Variants in TNFRSF10B observed in about 807,000 individuals in gnomAD.
The protein encoded by TNFRSF10B is tumor necrosis factor receptor superfamily member 10B.
In TNFRSF10B, 35 loss-of-function variants were observed where a neutral mutation model predicts 41.4. The observed-to-expected ratio is 0.85, with a 90% CI of 0.65 to 1.12. TNFRSF10B has a LOEUF of 1.12. Among genes scored for constraint, TNFRSF10B ranks in the 50% most tolerant of loss-of-function variants. The pLI is 0.00. For synonymous variants in TNFRSF10B, 230 were observed against 215.5 expected, an observed-to-expected ratio of 1.07 and a Z score of -0.59; for missense variants, 584 against 552.7, an observed-to-expected ratio of 1.06 and a Z score of -0.57.
intron 1 of TNFRSF10B, among the ~76,000 whole-genome samples, chr8:23,048,861 C>CA (rs1812439664): frequency 6.6e-6 from 1 of 152,114 alleles, no homozygotes; most frequent in Non-Finnish European, 1.5e-5. Flanking sequence ...CTCAGCCTCT[C>CA]AAAGTGCTGA....
At chr8:23,040,367 ATAAATATATATACAAAATATATATTTAT>A (rs1563314070) in intron 2 of TNFRSF10B, among the ~76,000 whole-genome samples, 114 of 23,514 alleles carry the variant, frequency 4.8e-3, no homozygotes, top group African/African-American at 0.013. Context: ...TATATATTTA[ATAAATATATATACAAAATATATATTTAT>A]TAAATATATA....
At chr8:23,060,894 A>G (rs1294084707) in intron 1 of TNFRSF10B, among the ~76,000 whole-genome samples, 1 of 152,048 alleles carries the variant, frequency 6.6e-6, no homozygotes, top group African/African-American at 2.4e-5. Flanking sequence ...ACTATTGTAA[A>G]TGGATTTTTT....
intron 1 of TNFRSF10B, among the ~76,000 whole-genome samples, chr8:23,062,371 C>T (rs1448189304): frequency 6.6e-6 from 1 of 152,072 alleles, no homozygotes; most frequent in African/African-American, 2.4e-5. Flanking sequence ...CAGGTGTGCT[C>T]CCCCGGGCCA....
intron 2 of TNFRSF10B, among the ~76,000 whole-genome samples, chr8:23,036,783 T>C (rs572492978): frequency 6.8e-4 from 103 of 152,230 alleles, no homozygotes; most frequent in African/African-American, 2.3e-3. Flanking sequence ...GCAGAGGTTG[T>C]AGTGAGCCGA....
At chr8:23,068,503 C>T in intron 1 of TNFRSF10B, 1 of 579,930 alleles carries the variant, frequency 1.7e-6, no homozygotes, top group South Asian at 2.2e-5. Context: ...CCTTGTCGCC[C>T]TCCCCCACTG....
chr8:23,024,058 C>G (rs1480851169), intron 8 of TNFRSF10B, 130 bp downstream of exon 8: 1 of 1,147,386 alleles, frequency 8.7e-7, no homozygotes, highest in Non-Finnish European at 1.3e-6. Flanking sequence ...TCCAGATGGT[C>G]TATAGCACAG....
At chr8:23,027,641 G>T (rs1105945) in intron 6 of TNFRSF10B, 81 bp downstream of exon 6, 4 of 1,598,350 alleles carry the variant, frequency 2.5e-6, no homozygotes, top group East Asian at 2.2e-5. Flanking sequence ...GGACAATGGG[G>T]ACCCACCCAC....
At chr8:23,061,710 C>T (rs892113076) in intron 1 of TNFRSF10B, among the ~76,000 whole-genome samples, 1 of 152,072 alleles carries the variant, frequency 6.6e-6, no homozygotes, top group African/African-American at 2.4e-5. Flanking sequence ...AAGTTTTCTT[C>T]TATTCTTAGT....
At chr8:23,059,594 C>T (rs1175521332) in intron 1 of TNFRSF10B, among the ~76,000 whole-genome samples, 1 of 152,216 alleles carries the variant, frequency 6.6e-6, no homozygotes, top group African/African-American at 2.4e-5. Context: ...GCAAGCTCCG[C>T]CTCCTGGGTT....
intron 1 of TNFRSF10B, among the ~76,000 whole-genome samples, chr8:23,050,273 T>C (rs1217508935): frequency 6.7e-6 from 1 of 149,016 alleles, no homozygotes; most frequent in Non-Finnish European, 1.5e-5. Flanking sequence ...CCCTTGGGTT[T>C]TTCTGAAATG....
intron 2 of TNFRSF10B, among the ~76,000 whole-genome samples, chr8:23,036,428 T>A (rs1185032438): frequency 6.6e-6 from 1 of 152,180 alleles, no homozygotes; most frequent in African/African-American, 2.4e-5. Context: ...AGGAATTCCC[T>A]ATGGTCAGTT....
rs1293598785 is a variant in TNFRSF10B at position 23,028,018 on chromosome 8, T to A, written c.749-265A>T. 5.0e-6 allele frequency: 3 copies of A among 600,722 alleles called. No individual in the cohort carries two copies. The African/African-American group carries it at 5.6e-5, about 11-fold the overall frequency. The allele number at this position is 600,722 out of a possible 1,614,324, so 37.2% of individuals were successfully genotyped here. On this transcript the variant is annotated intron_variant, in intron 5 of 8. Coordinates refer to ENST00000276431, the MANE Select transcript of TNFRSF10B (RefSeq NM_003842.5). ...AAAATCCCACGACCACTTCTCATCC[T>A]CACCCTTGTCACCCAGTTGAGGAGC...
intron 2 of TNFRSF10B, among the ~76,000 whole-genome samples, chr8:23,037,239 G>A (rs1054093821): frequency 6.6e-6 from 1 of 152,178 alleles, no homozygotes; most frequent in African/African-American, 2.4e-5. Context: ...CATGGTGGCA[G>A]GGATGGAGGT....
chr8:23,068,404 A>T, intron 1 of TNFRSF10B: 1 of 374,702 alleles, frequency 2.7e-6, no homozygotes. Flanking sequence ...AAAGAGAAAA[A>T]GAGAAAGAAA....
rs954530736 is a variant in TNFRSF10B, at chr8:23,021,552, T to C, written c.*1119A>G. On this transcript the variant is annotated 3_prime_UTR_variant, in exon 9 of 9. Transcript: ENST00000276431. ...GGATATGACATAGACCCTATTGTTA[T>C]GTGTGATCTAACCCATCTGCCTCTG... 7 of 454,046 alleles carry C rather than the reference T, an allele frequency of 1.5e-5. No homozygotes were observed. Among genetic ancestry groups the C allele is most frequent in the Non-Finnish European group, 2.6e-5 (6 of 226,808 alleles). The allele number at this position is 454,046 out of a possible 1,614,324, so 28.1% of individuals were successfully genotyped here.
In TNFRSF10B at chr8:23,028,418, C is replaced by T; in HGVS notation, c.661G>A (p.Ala221Thr). 2.5e-6 allele frequency: 4 copies of T among 1,614,194 alleles called. No homozygotes were observed. Among genetic ancestry groups the T allele is most frequent in the Non-Finnish European group, 3.4e-6 (4 of 1,180,032 alleles). ...LSGIIIGVTVAAVVLIVAVFV... is the reference protein window; with the variant it reads ...LSGIIIGVTVTAVVLIVAVFV... ...ACAGCCACAATCAAGACTACGGCTG[C>T]AACTGTGACTCCTATGATGATGCCT... Residue 221 changes from alanine to threonine, a missense_variant, in exon 5 of 9, where the codon GCA (alanine) becomes ACA (threonine). Ala to Thr is a moderately conservative substitution (Grantham distance 58). Coordinates refer to ENST00000276431, the MANE Select transcript of TNFRSF10B (RefSeq NM_003842.5).
intron 1 of TNFRSF10B, among the ~76,000 whole-genome samples, chr8:23,059,755 G>A (rs552014154): frequency 7.1e-4 from 108 of 152,128 alleles, no homozygotes; most frequent in African/African-American, 2.3e-3. Context: ...CTCGTGATCC[G>A]CCTGCCTTGG....
intron 1 of TNFRSF10B, among the ~76,000 whole-genome samples, chr8:23,051,016 G>A (rs190346192): frequency 3.9e-5 from 6 of 152,366 alleles, no homozygotes; most frequent in Admixed American, 2.0e-4. Context: ...AGAGGTTGTA[G>A]TGAGCAGAGA....
In TNFRSF10B at chr8:23,028,361, C is replaced by G; in HGVS notation, c.718G>C (p.Val240Leu). The change falls in exon 5 of 9, where the codon GTC (valine) becomes CTC (leucine). Residue 240 changes from valine (V) to leucine (L), a missense_variant. Physicochemically the swap from Val to Leu is conservative, Grantham distance 32. Coordinates refer to ENST00000276431, the MANE Select transcript of TNFRSF10B (RefSeq NM_003842.5). Reference protein sequence around the residue: ...FVCKSLLWKKVLPYLKGICSG... With the variant: ...FVCKSLLWKKLLPYLKGICSG... ...CAGATGCCTTTCAGGTAAGGAAGGACTTTCTTCCACAGTAAAGACTTGCAA... is the reference window on the plus strand; with the variant it reads ...CAGATGCCTTTCAGGTAAGGAAGGAGTTTCTTCCACAGTAAAGACTTGCAA... 1 of 1,614,182 alleles carries G rather than the reference C, an allele frequency of 6.2e-7. No individual in the cohort carries two copies. Among genetic ancestry groups the G allele is most frequent in the Non-Finnish European group, 8.5e-7 (1 of 1,180,022 alleles).
Sources: allele counts gnomAD v4.1 joint callset (sites outside exome capture counted in the v4.1 genomes callset), GRCh38; gene constraint gnomAD v4.1.1; transcripts MANE v1.5; gene names NCBI Gene and HGNC (gene_info 2026-07-23, HGNC 2026-07-21).